The following REDIC1 variants were observed in gnomAD, a reference collection of about 807,000 sequenced individuals.
The protein encoded by REDIC1 is regulator of DNA class I crossover intermediates 1.
the REDIC1 span, among the ~76,000 whole-genome samples, chr12:39,636,337 T>C: frequency 1.3e-5 from 2 of 152,128 alleles, no homozygotes; most frequent in African/African-American, 4.8e-5. Flanking sequence ...TGGTAATTCA[T>C]ACTTATGTGA....
chr12:39,720,923 A>C, the REDIC1 span: 1 of 1,613,792 alleles, frequency 6.2e-7, no homozygotes, highest in Admixed American at 1.7e-5. Flanking sequence ...GTTAAAAACG[A>C]TGACAAAATT....
chr12:39,902,129 G>A, the REDIC1 span, among the ~76,000 whole-genome samples: 1 of 148,976 alleles, frequency 6.7e-6, no homozygotes, highest in Non-Finnish European at 1.5e-5. Flanking sequence ...ACTCATAGGT[G>A]GGAATTGAAC....
the REDIC1 span, among the ~76,000 whole-genome samples, chr12:39,690,547 C>A: frequency 6.6e-6 from 1 of 151,620 alleles, no homozygotes; most frequent in Non-Finnish European, 1.5e-5. Flanking sequence ...AATATGATAG[C>A]AATTAACATA....
the REDIC1 span, among the ~76,000 whole-genome samples, chr12:39,738,643 C>T: frequency 6.6e-6 from 1 of 152,186 alleles, no homozygotes; most frequent in Non-Finnish European, 1.5e-5. Flanking sequence ...ACTATCATAA[C>T]CTAATTGTAC....
At chr12:39,732,078 G>A in the REDIC1 span, among the ~76,000 whole-genome samples, 4 of 151,996 alleles carry the variant, frequency 2.6e-5, no homozygotes, top group Admixed American at 1.3e-4. Context: ...CCACTTCCTT[G>A]CATATCTTTA....
chr12:39,711,090 A>C, the REDIC1 span, among the ~76,000 whole-genome samples: 1 of 151,534 alleles, frequency 6.6e-6, no homozygotes, highest in Non-Finnish European at 1.5e-5. Flanking sequence ...TATCATACTT[A>C]TGACTTTGCA....
the REDIC1 span, among the ~76,000 whole-genome samples, chr12:39,885,240 AAC>A: frequency 6.6e-6 from 1 of 152,166 alleles, no homozygotes; most frequent in Admixed American, 6.5e-5. Context: ...GATTGAGGAA[AAC>A]ACAGACTAAC....
At chr12:39,677,917 G>A in the REDIC1 span, among the ~76,000 whole-genome samples, 1 of 151,824 alleles carries the variant, frequency 6.6e-6, no homozygotes, top group Non-Finnish European at 1.5e-5. Flanking sequence ...AAAACCTATC[G>A]AAACCTCTGG....
At chr12:39,646,847 T>C in the REDIC1 span, 26 of 1,587,144 alleles carry the variant, frequency 1.6e-5, no homozygotes, top group Admixed American at 8.7e-5. Context: ...TAGTGTAAAC[T>C]GTCAAAGACT....
At chr12:39,700,405 G>A in the REDIC1 span, among the ~76,000 whole-genome samples, 21 of 152,246 alleles carry the variant, frequency 1.4e-4, no homozygotes, top group Middle Eastern at 3.4e-3. Context: ...AAAAAGCAAC[G>A]AGCAAAGCCT....
the REDIC1 span, among the ~76,000 whole-genome samples, chr12:39,637,969 G>C: frequency 6.6e-6 from 1 of 151,928 alleles, no homozygotes; most frequent in Non-Finnish European, 1.5e-5. Flanking sequence ...CAGTGTAGTA[G>C]ACATTTGTGT....
At chr12:39,779,464 A>G in the REDIC1 span, among the ~76,000 whole-genome samples, 1 of 152,218 alleles carries the variant, frequency 6.6e-6, no homozygotes, top group African/African-American at 2.4e-5. Context: ...TGAGAACACC[A>G]TACCTATTAT....
At chr12:39,729,465 G>T in the REDIC1 span, among the ~76,000 whole-genome samples, 1 of 152,118 alleles carries the variant, frequency 6.6e-6, no homozygotes, top group Non-Finnish European at 1.5e-5. Context: ...GTAGTTGTGT[G>T]GTTTTAAGTG....
the REDIC1 span, among the ~76,000 whole-genome samples, chr12:39,738,053 G>A: frequency 6.6e-6 from 1 of 152,140 alleles, no homozygotes; most frequent in Non-Finnish European, 1.5e-5. Flanking sequence ...CCATTGAAAT[G>A]TTTCCATGTT....
At chr12:39,682,793 A>C in the REDIC1 span, 1 of 1,612,908 alleles carries the variant, frequency 6.2e-7, no homozygotes, top group Admixed American at 1.7e-5. Flanking sequence ...TCTACTCCTA[A>C]CCTTCTATCA....
At chr12:39,704,615 A>C in the REDIC1 span, among the ~76,000 whole-genome samples, 1 of 151,902 alleles carries the variant, frequency 6.6e-6, no homozygotes. Flanking sequence ...ATAAAGACAC[A>C]TGCACACGTA....
At chr12:39,863,144 G>A in the REDIC1 span, among the ~76,000 whole-genome samples, 16 of 152,162 alleles carry the variant, frequency 1.1e-4, no homozygotes, top group African/African-American at 3.4e-4. Context: ...TTTGTAATAA[G>A]AATAAAGGTA....
At chr12:39,683,225 C>T in the REDIC1 span, 34 of 1,349,734 alleles carry the variant, frequency 2.5e-5, no homozygotes, top group Middle Eastern at 9.1e-4. Flanking sequence ...CATACACACA[C>T]ATCTATATAT....
the REDIC1 span, among the ~76,000 whole-genome samples, chr12:39,809,627 G>A: frequency 6.6e-6 from 1 of 152,100 alleles, no homozygotes; most frequent in Non-Finnish European, 1.5e-5. Context: ...TTTAGCATCA[G>A]GTATATCTCC....
Sources: gnomAD v4.1 joint callset for allele counts (sites outside exome capture counted in the v4.1 genomes callset) on GRCh38, gnomAD v4.1.1 for gene constraint, MANE v1.5 for transcripts, NCBI Gene and HGNC (gene_info 2026-07-23, HGNC 2026-07-21) for gene names.